CFAP299: variants seen among roughly 807,000 people sequenced by gnomAD.
CFAP299 encodes cilia and flagella associated protein 299.
A neutral mutation model predicts 27.0 loss-of-function variants in CFAP299; 21 were observed. The observed-to-expected ratio is 0.78, with a 90% CI of 0.55 to 1.12. CFAP299 has a LOEUF of 1.12. Among genes scored for constraint, CFAP299 ranks in the 50% most tolerant of loss-of-function variants. The pLI is 0.00. For missense variants in CFAP299, 310 were observed against 276.6 expected (o/e 1.12, Z -0.86); for synonymous variants, 104 against 98.1 (o/e 1.06, Z -0.36).
intron 4 of CFAP299, among the ~76,000 whole-genome samples, chr4:80,927,249 TA>T (rs773102050): frequency 3.3e-5 from 5 of 152,108 alleles, no homozygotes; most frequent in Admixed American, 6.6e-5. Context: ...ACATTATAAT[TA>T]TAACTTATAT....
At chr4:80,673,265 T>G (rs551418465) in intron 3 of CFAP299, among the ~76,000 whole-genome samples, 56 of 152,202 alleles carry the variant, frequency 3.7e-4, no homozygotes, top group South Asian at 2.1e-3. Context: ...ATTTCGTTAT[T>G]TACCCAGTAG....
intron 2 of CFAP299, among the ~76,000 whole-genome samples, chr4:80,572,084 T>C (rs1346361708): frequency 6.6e-6 from 1 of 152,138 alleles, no homozygotes; most frequent in Non-Finnish European, 1.5e-5. Context: ...TATATATATT[T>C]ATGGGAGTAC....
chr4:80,672,977 T>A (rs527777585), intron 3 of CFAP299, among the ~76,000 whole-genome samples: 1 of 152,198 alleles, frequency 6.6e-6, no homozygotes, highest in East Asian at 1.9e-4. Flanking sequence ...ATTCATTGAT[T>A]TTTTGAAGGG....
chr4:80,813,423 C>T (rs983718847), intron 3 of CFAP299, among the ~76,000 whole-genome samples: 3 of 151,920 alleles, frequency 2.0e-5, no homozygotes, highest in African/African-American at 7.2e-5. Context: ...TTATTCAAAA[C>T]ATTTTTTGTA....
chr4:80,671,332 G>A (rs965319745), intron 3 of CFAP299, among the ~76,000 whole-genome samples: 7 of 152,210 alleles, frequency 4.6e-5, no homozygotes, highest in Middle Eastern at 6.8e-3. Context: ...GGCCTCTGTT[G>A]TGTTCCATTG....
chr4:80,829,897 G>A (rs1431053934), intron 3 of CFAP299, among the ~76,000 whole-genome samples: 2 of 152,038 alleles, frequency 1.3e-5, no homozygotes, highest in Non-Finnish European at 2.9e-5. Context: ...ACAGAAAGTA[G>A]AGTGGTGGCT....
At chr4:80,570,313 A>G (rs1735522029) in intron 2 of CFAP299, among the ~76,000 whole-genome samples, 13 of 152,032 alleles carry the variant, frequency 8.6e-5, no homozygotes, top group Admixed American at 8.5e-4. Context: ...ATTTAATTAT[A>G]GAAACTCCAA....
chr4:80,945,125 AAT>A (rs1737406529), intron 5 of CFAP299, among the ~76,000 whole-genome samples, 186 bp downstream of exon 5: 1 of 152,220 alleles, frequency 6.6e-6, no homozygotes, highest in East Asian at 1.9e-4. Flanking sequence ...AATTATTAGA[AAT>A]TAATAAGAAA....
Position 80,783,536 on chromosome 4 carries a change from T to C in CFAP299, c.334-86457T>C, listed in dbSNP as rs906587481. On this transcript the variant is annotated intron_variant, in intron 3 of 5. Coordinates refer to ENST00000358105, the MANE Select transcript of CFAP299 (RefSeq NM_152770.3). ...TCCTTCATAAATGGATGTAAAATTA[T>C]AGAATGTAAAACTTCTTTAATGTTT... is the stretch of plus-strand genomic sequence containing the variant. 2.0e-5 allele frequency among the ~76,000 whole-genome samples: 3 copies of C among 152,330 alleles called. No homozygotes were observed. In the South Asian group the frequency reaches 6.2e-4, roughly 32 times the overall value.
At chr4:80,818,222 G>A (rs1729523416) in intron 3 of CFAP299, among the ~76,000 whole-genome samples, 1 of 152,224 alleles carries the variant, frequency 6.6e-6, no homozygotes, top group Middle Eastern at 3.4e-3. Context: ...GTGGTGTATA[G>A]ATTCCACAGG....
intron 3 of CFAP299, among the ~76,000 whole-genome samples, chr4:80,846,570 A>C (rs908044266): frequency 7.2e-5 from 11 of 152,186 alleles, no homozygotes; most frequent in African/African-American, 2.2e-4. Flanking sequence ...TATAATGAGA[A>C]CTATAAATAA....
At chr4:80,730,248 C>CTCTCTGTG (rs1553953972) in intron 3 of CFAP299, among the ~76,000 whole-genome samples, 31 of 130,882 alleles carry the variant, frequency 2.4e-4, no homozygotes, top group South Asian at 1.2e-3. Flanking sequence ...CTCTCTCTCT[C>CTCTCTGTG]TGTGTGTGTG....
chr4:80,938,385 A>G (rs1286865214), intron 4 of CFAP299, among the ~76,000 whole-genome samples: 1 of 152,198 alleles, frequency 6.6e-6, no homozygotes, highest in Non-Finnish European at 1.5e-5. Context: ...TTCTTAAACC[A>G]CTAACAATAG....
At chr4:80,329,977 C>G in the CFAP299 span, among the ~76,000 whole-genome samples, 2 of 151,972 alleles carry the variant, frequency 1.3e-5, no homozygotes, top group Non-Finnish European at 2.9e-5. Flanking sequence ...CTTTTTTACC[C>G]TCAAGTCAGT....
intron 3 of CFAP299, among the ~76,000 whole-genome samples, chr4:80,602,892 T>C (rs2109903736): frequency 6.6e-6 from 1 of 152,262 alleles, no homozygotes; most frequent in Non-Finnish European, 1.5e-5. Context: ...ACCTGGGCAC[T>C]GGGTGATGGA....
intron 1 of CFAP299, among the ~76,000 whole-genome samples, chr4:80,356,366 G>T (rs1397480449): frequency 1.3e-5 from 2 of 152,074 alleles, no homozygotes; most frequent in Non-Finnish European, 2.9e-5. Flanking sequence ...TTTTAATTCT[G>T]TGAAAAATTT....
In CFAP299 at chr4:80,759,014, C is replaced by G. The variant is rs189103483; in HGVS notation, c.334-110979C>G. Among the ~76,000 whole-genome samples, 5 of 151,948 alleles carry G rather than the reference C, an allele frequency of 3.3e-5. No homozygotes were observed. The East Asian group carries it at 9.7e-4, about 29-fold the overall frequency. Reference sequence around the variant, plus strand: ...AGAAATAGTGAAGTTCAAATTATTTCAAAAAATATACACATATTTAAAACA... The same window carrying G: ...AGAAATAGTGAAGTTCAAATTATTTGAAAAAATATACACATATTTAAAACA... On this transcript the variant is annotated intron_variant, in intron 3 of 5. Transcript: ENST00000358105.
At chr4:80,909,682 A>T (rs1735370113) in intron 4 of CFAP299, among the ~76,000 whole-genome samples, 2 of 151,950 alleles carry the variant, frequency 1.3e-5, no homozygotes, top group Admixed American at 1.3e-4. Context: ...AAACGGGATA[A>T]GAATTTATGG....
intron 3 of CFAP299, among the ~76,000 whole-genome samples, chr4:80,842,708 C>G (rs1288310349): frequency 6.6e-6 from 1 of 152,088 alleles, no homozygotes; most frequent in African/African-American, 2.4e-5. Flanking sequence ...CCTTTGGCAC[C>G]TAAGTAACAG....
Sources: allele counts gnomAD v4.1 joint callset (sites outside exome capture counted in the v4.1 genomes callset), GRCh38; gene constraint gnomAD v4.1.1; transcripts MANE v1.5; gene names NCBI Gene and HGNC (gene_info 2026-07-23, HGNC 2026-07-21).